The following RAVER2 variants were observed in gnomAD, a reference collection of about 807,000 sequenced individuals.
The protein encoded by RAVER2 is ribonucleoprotein PTB-binding 2.
Under a neutral mutation model 78.1 loss-of-function variants are expected in RAVER2, and 46 were observed. The observed-to-expected ratio is 0.59, with a 90% CI of 0.46 to 0.75. The LOEUF is 0.75. Among genes scored for constraint, RAVER2 ranks in the 30% least tolerant of loss-of-function variants. The pLI is 0.00. For missense variants in RAVER2, 793 were observed against 837.5 expected, an observed-to-expected ratio of 0.95 and a Z score of 0.66; for synonymous variants, 311 against 313.3, an observed-to-expected ratio of 0.99 and a Z score of 0.08.
intron 1 of RAVER2, among the ~76,000 whole-genome samples, chr1:64,752,514 T>TG (rs974596916): frequency 6.6e-6 from 1 of 152,204 alleles, no homozygotes; most frequent in African/African-American, 2.4e-5. Context: ...TGTTACTTGC[T>TG]GGGGCCCTGA....
intron 1 of RAVER2, among the ~76,000 whole-genome samples, chr1:64,748,833 T>C (rs1405398486): frequency 6.6e-6 from 1 of 152,096 alleles, no homozygotes; most frequent in Non-Finnish European, 1.5e-5. Flanking sequence ...TCTCATTCCT[T>C]TTTAGTTTTT....
intron 11 of RAVER2, among the ~76,000 whole-genome samples, chr1:64,821,331 T>G (rs1653883114): frequency 6.6e-6 from 1 of 152,234 alleles, no homozygotes; most frequent in South Asian, 2.1e-4. Context: ...TGCAAAAATT[T>G]TCTCCCATTC....
intron 11 of RAVER2, among the ~76,000 whole-genome samples, chr1:64,823,877 G>A (rs1570585817): frequency 2.0e-5 from 3 of 146,706 alleles, no homozygotes; most frequent in South Asian, 4.3e-4. Flanking sequence ...TGCAATCTCA[G>A]CTCACTGCAA....
rs1446831345 is a variant in RAVER2 at position 64,745,350 on chromosome 1, C to T, written c.178C>T (p.Arg60Trp). The change falls in exon 1 of 12, where the codon CGG (arginine) becomes TGG (tryptophan). Residue 60 changes from arginine to tryptophan, a missense_variant. Arg to Trp is a moderately radical substitution (Grantham distance 101). Transcript: ENST00000294428. This position sits in a 1 kb window ranked among gnomAD's most constrained non-coding sequence, Gnocchi z 4.3. ...TGAGGAGGTCGCCGCGCGACTGCAG[C>T]GGATGCAGCGGGAGCTGAGCAACCG... 6.5e-7 allele frequency: 1 copy of T among 1,541,740 alleles called. No individual in the cohort carries two copies. The highest frequency in any genetic ancestry group is 2.0e-5 in the Admixed American group (1 of 50,706).
chr1:64,749,223 T>G (rs1651627121), intron 1 of RAVER2, among the ~76,000 whole-genome samples: 1 of 152,096 alleles, frequency 6.6e-6, no homozygotes, highest in African/African-American at 2.4e-5. Flanking sequence ...TGTTTGTTTG[T>G]TTTTTGAGAC....
At chr1:64,808,709 G>A (rs1189984397) in intron 9 of RAVER2, among the ~76,000 whole-genome samples, 10 of 152,060 alleles carry the variant, frequency 6.6e-5, no homozygotes, top group Admixed American at 5.2e-4. Flanking sequence ...TGATCTTCCC[G>A]CCTCGGCTTC....
intron 1 of RAVER2, among the ~76,000 whole-genome samples, chr1:64,763,031 T>C (rs1043734501): frequency 6.6e-5 from 10 of 152,324 alleles, no homozygotes; most frequent in African/African-American, 2.4e-4. Flanking sequence ...GCAAGTTGAC[T>C]GGGCACAGTG....
At chr1:64,808,952 G>A (rs2100880687) in intron 9 of RAVER2, among the ~76,000 whole-genome samples, 1 of 152,282 alleles carries the variant, frequency 6.6e-6, no homozygotes, top group East Asian at 1.9e-4. Context: ...GGGCAAATGA[G>A]TCTATCTACA....
At chr1:64,753,595 G>C (rs1444104313) in intron 1 of RAVER2, among the ~76,000 whole-genome samples, 2 of 134,984 alleles carry the variant, frequency 1.5e-5, no homozygotes, top group Non-Finnish European at 3.0e-5. Context: ...TCGGCTCACT[G>C]CAACTGTAAC....
intron 5 of RAVER2, among the ~76,000 whole-genome samples, chr1:64,793,281 CAT>C (rs1448916231): frequency 1.3e-5 from 2 of 152,152 alleles, no homozygotes; most frequent in African/African-American, 4.8e-5. Context: ...AAACAACTGA[CAT>C]ATATTATACA....
At chr1:64,796,933 C>T (rs1171131328) in intron 5 of RAVER2, among the ~76,000 whole-genome samples, 2 of 152,046 alleles carry the variant, frequency 1.3e-5, no homozygotes, top group African/African-American at 4.8e-5. Context: ...ATGTTATTTT[C>T]ATTCATTTCA....
In RAVER2 at chr1:64,800,239, C is replaced by T. The variant is rs148459613; in HGVS notation, c.1106-2737C>T. ...ATTTTCTCCCATTCTACAAGTTGTA[C>T]GTGTTCACCCTATTGATTGTTTCCC... On this transcript the variant is annotated intron_variant, in intron 5 of 11. Transcript: ENST00000294428. Among the ~76,000 whole-genome samples, 11 of 151,568 alleles carry T rather than the reference C, an allele frequency of 7.3e-5. No homozygotes were observed. In the East Asian group the frequency reaches 1.4e-3, roughly 19 times the overall value.
At chr1:64,806,035 C>A (rs1653409024) in intron 8 of RAVER2, among the ~76,000 whole-genome samples, 1 of 152,030 alleles carries the variant, frequency 6.6e-6, no homozygotes, top group African/African-American at 2.4e-5. Context: ...TTAGGGGAAC[C>A]AAAGTATCCA....
intron 11 of RAVER2, among the ~76,000 whole-genome samples, chr1:64,818,384 A>T (rs934702667): frequency 6.6e-6 from 1 of 152,010 alleles, no homozygotes; most frequent in African/African-American, 2.4e-5. Context: ...AAAATACAAA[A>T]AATTAGCCGG....
intron 5 of RAVER2, among the ~76,000 whole-genome samples, chr1:64,792,205 C>T (rs1213770082): frequency 2.0e-5 from 3 of 152,184 alleles, no homozygotes; most frequent in Non-Finnish European, 4.4e-5. Context: ...CTTCCCATAA[C>T]ATGTCACAGG....
intron 1 of RAVER2, among the ~76,000 whole-genome samples, chr1:64,762,438 A>G (rs1384478799): frequency 1.3e-5 from 2 of 151,894 alleles, no homozygotes; most frequent in Non-Finnish European, 2.9e-5. Flanking sequence ...CAGAAATGCA[A>G]GTGACCTGGA....
At chr1:64,769,903 A>G (rs12029333) in intron 2 of RAVER2, among the ~76,000 whole-genome samples, 19,228 of 151,880 alleles carry the variant, frequency 0.13, 1,395 homozygotes, top group East Asian at 0.28. Flanking sequence ...TCTGTTTTAA[A>G]CTTTTCATAA....
Position 64,745,211 on chromosome 1 carries a change from C to A in RAVER2, c.39C>A (p.Gly13=), listed in dbSNP as rs1221733954. ...CGGGAGACGGCGGCGGCGAGGGGGGCGCGGGCCTGGGCAGCGCGGCGGGGC... is the reference window on the plus strand; with the variant it reads ...CGGGAGACGGCGGCGGCGAGGGGGGAGCGGGCCTGGGCAGCGCGGCGGGGC... Residue 13 remains glycine, a synonymous_variant, in exon 1 of 12, where the codon GGC becomes GGA. Transcript: ENST00000294428. The surrounding 1 kb of genome is among the most constrained non-coding windows in gnomAD (Gnocchi z 4.3). 3 of 1,056,696 alleles carry A rather than the reference C, an allele frequency of 2.8e-6. No homozygotes were observed. Among genetic ancestry groups the A allele is most frequent in the African/African-American group, 1.7e-5 (1 of 58,302 alleles). 65.5% of individuals were successfully genotyped at this position (1,056,696 alleles called of 1,614,324 possible).
chr1:64,754,294 A>G (rs935405642), intron 1 of RAVER2, among the ~76,000 whole-genome samples: 1 of 152,132 alleles, frequency 6.6e-6, no homozygotes, highest in African/African-American at 2.4e-5. Flanking sequence ...CTCCCATTGT[A>G]TTATAATTCC....
Sources: allele counts gnomAD v4.1 joint callset (sites outside exome capture counted in the v4.1 genomes callset), GRCh38; gene constraint gnomAD v4.1.1; non-coding constraint Gnocchi (gnomAD v3.1); transcripts MANE v1.5; gene names NCBI Gene and HGNC (gene_info 2026-07-23, HGNC 2026-07-21).